Variants in AKT3 observed in about 807,000 individuals in gnomAD.
AKT3 encodes the protein AKT serine/threonine kinase 3, also known as RAC-gamma serine/threonine-protein kinase.
AKT3 carries 15 observed loss-of-function variants against 65.3 expected under a neutral mutation model. The observed-to-expected ratio is 0.23, with a 90% CI of 0.15 to 0.35. The LOEUF is 0.35. Ranked by LOEUF, AKT3 falls within the 10% of genes least tolerant of loss-of-function variation. AKT3 has a pLI of 1.00. For synonymous variants in AKT3, 206 were observed against 183.8 expected (o/e 1.12, Z -0.98); for missense variants, 243 against 576.5 (o/e 0.42, Z 5.92).
chr1:243,724,144 G>A (rs1185096952), intron 2 of AKT3, among the ~76,000 whole-genome samples: 2 of 151,490 alleles, frequency 1.3e-5, no homozygotes, highest in Non-Finnish European at 2.9e-5. Context: ...TGATACAGGA[G>A]AGGAAAACAA....
At chr1:243,727,433 C>G (rs1053690675) in intron 2 of AKT3, among the ~76,000 whole-genome samples, 8 of 152,038 alleles carry the variant, frequency 5.3e-5, no homozygotes, top group African/African-American at 7.2e-5. Flanking sequence ...GCATGCACTA[C>G]CATGCGTGGC....
In AKT3 at chr1:243,505,010, C is replaced by T; in HGVS notation, c.*239G>A. 1 of 487,616 alleles carries T rather than the reference C, an allele frequency of 2.1e-6. No individual in the cohort carries two copies. The highest frequency in any genetic ancestry group is 3.6e-6 in the Non-Finnish European group (1 of 276,260). 30.2% of individuals were successfully genotyped at this position (487,616 alleles called of 1,614,324 possible). Reference sequence around the variant, plus strand: ...AGTTGCTATAATAGTAAGACAGTAGCAGCAACAGCATGAGACCTTAGACTG... The same window carrying T: ...AGTTGCTATAATAGTAAGACAGTAGTAGCAACAGCATGAGACCTTAGACTG... On this transcript the variant is annotated 3_prime_UTR_variant, in exon 14 of 14. Coordinates refer to ENST00000673466, the MANE Select transcript of AKT3 (RefSeq NM_005465.7).
chr1:243,520,712 A>C (rs1039040262), intron 12 of AKT3, among the ~76,000 whole-genome samples: 7 of 152,226 alleles, frequency 4.6e-5, no homozygotes, highest in African/African-American at 1.7e-4. Flanking sequence ...CAGAAAATGT[A>C]GTATTCAGTG....
At chr1:243,600,407 T>C (rs1676922539) in intron 8 of AKT3, among the ~76,000 whole-genome samples, 1 of 152,132 alleles carries the variant, frequency 6.6e-6, no homozygotes, top group Non-Finnish European at 1.5e-5. Flanking sequence ...TTTTAACACT[T>C]ATTCTAAAGT....
At chr1:243,721,828 TC>T (rs1335018027) in intron 2 of AKT3, among the ~76,000 whole-genome samples, 3 of 152,104 alleles carry the variant, frequency 2.0e-5, no homozygotes, top group Non-Finnish European at 4.4e-5. Flanking sequence ...TAGATAACAC[TC>T]CTGTTGCTTC....
intron 4 of AKT3, among the ~76,000 whole-genome samples, chr1:243,657,003 A>G (rs565778742): frequency 1.1e-4 from 17 of 152,364 alleles, no homozygotes; most frequent in African/African-American, 3.4e-4. Flanking sequence ...TAATACATAA[A>G]ACTATCAGAA....
downstream of AKT3, among the ~76,000 whole-genome samples, chr1:243,498,064 C>T (rs1668474959): frequency 6.6e-6 from 1 of 152,156 alleles, no homozygotes; most frequent in African/African-American, 2.4e-5. Context: ...AGTTAGGAAG[C>T]CACTGTGTCA....
intron 3 of AKT3, among the ~76,000 whole-genome samples, chr1:243,686,586 G>A (rs1208840455): frequency 1.7e-5 from 2 of 118,268 alleles, no homozygotes; most frequent in Admixed American, 1.1e-4. Flanking sequence ...TCTATCTTAC[G>A]TTAATACTAT....
At chr1:243,565,875 A>T (rs1212923852) in intron 9 of AKT3, among the ~76,000 whole-genome samples, 2 of 148,394 alleles carry the variant, frequency 1.3e-5, no homozygotes, top group Non-Finnish European at 3.0e-5. Flanking sequence ...AATATGCTTT[A>T]TAAATATATA....
intron 2 of AKT3, among the ~76,000 whole-genome samples, chr1:243,696,595 T>C (rs902583976): frequency 1.3e-5 from 2 of 151,964 alleles, no homozygotes; most frequent in African/African-American, 4.8e-5. Flanking sequence ...TCTCAAATGC[T>C]TAGGCAAAGA....
chr1:243,775,455 C>T (rs543392672), intron 2 of AKT3, among the ~76,000 whole-genome samples: 2 of 152,296 alleles, frequency 1.3e-5, no homozygotes, highest in South Asian at 2.1e-4. Context: ...GCTGGGATTA[C>T]GGGCATGAGC....
chr1:243,488,909 G>T, intron 13 of AKT3: 1 of 1,558,426 alleles, frequency 6.4e-7, no homozygotes, highest in South Asian at 1.1e-5. Context: ...TAGGCGTCCT[G>T]CTCATGGTTC....
intron 4 of AKT3, among the ~76,000 whole-genome samples, chr1:243,648,883 T>C (rs1177752562): frequency 6.6e-6 from 1 of 152,140 alleles, no homozygotes; most frequent in Non-Finnish European, 1.5e-5. Flanking sequence ...TTTTATTAAT[T>C]ATTCTCTACT....
intron 13 of AKT3, among the ~76,000 whole-genome samples, chr1:243,493,827 G>GGACACAGA (rs1353169449): frequency 6.6e-6 from 1 of 151,726 alleles, no homozygotes; most frequent in African/African-American, 2.4e-5. Flanking sequence ...AACAAGCAGG[G>GGACACAGA]GACACAGAGA....
At chr1:243,619,280 C>T (rs564957563) in intron 6 of AKT3, among the ~76,000 whole-genome samples, 3 of 152,130 alleles carry the variant, frequency 2.0e-5, no homozygotes, top group Non-Finnish European at 4.4e-5. Flanking sequence ...GTTGTTTTGA[C>T]ACATTCCATA....
intron 2 of AKT3, among the ~76,000 whole-genome samples, chr1:243,835,441 C>A (rs185885082): frequency 3.0e-4 from 45 of 152,148 alleles, no homozygotes; most frequent in Non-Finnish European, 5.1e-4. Flanking sequence ...GTTATTTATC[C>A]ATATAACAAA....
intron 13 of AKT3, among the ~76,000 whole-genome samples, chr1:243,508,792 A>G (rs1489657091): frequency 1.3e-5 from 2 of 150,696 alleles, no homozygotes; most frequent in Admixed American, 6.6e-5. Flanking sequence ...CAGCCTCCCG[A>G]GTGGCTGGAA....
At chr1:243,579,866 T>C (rs1339716925) in intron 8 of AKT3, among the ~76,000 whole-genome samples, 1 of 152,170 alleles carries the variant, frequency 6.6e-6, no homozygotes, top group Admixed American at 6.5e-5. Flanking sequence ...AGTGCAACAA[T>C]AATTAACTCT....
At chr1:243,779,615 T>TATGTATG (rs1158519241) in intron 2 of AKT3, among the ~76,000 whole-genome samples, 1 of 152,092 alleles carries the variant, frequency 6.6e-6, no homozygotes. Context: ...AGTACGGTAT[T>TATGTATG]CATGCAAAAA....
Sources: gnomAD v4.1 joint callset for allele counts (sites outside exome capture counted in the v4.1 genomes callset) on GRCh38, gnomAD v4.1.1 for gene constraint, MANE v1.5 for transcripts, NCBI Gene and HGNC (gene_info 2026-07-23, HGNC 2026-07-21) for gene names.